ABLIM1: variants seen among roughly 807,000 people sequenced by gnomAD.
ABLIM1 encodes actin binding LIM protein 1.
ABLIM1 carries 40 observed loss-of-function variants against 107.0 expected under a neutral mutation model. The observed-to-expected ratio is 0.37, with a 90% CI of 0.29 to 0.49. The LOEUF is 0.49. Among genes scored for constraint, ABLIM1 ranks in the 20% least tolerant of loss-of-function variants. The pLI, the probability that ABLIM1 is intolerant of heterozygous loss-of-function variation, is 0.97. For synonymous variants in ABLIM1, 357 were observed against 357.3 expected (o/e 1.00, Z 0.01); for missense variants, 857 against 1,008.5 (o/e 0.85, Z 2.04).
At chr10:114,768,979 A>G (rs144250509), upstream of ABLIM1, among the ~76,000 whole-genome samples, 7 of 152,088 alleles carry the variant, frequency 4.6e-5, no homozygotes, top group East Asian at 1.4e-3. Context: ...AGAAATTCTA[A>G]CTAAAAAGGT....
At chr10:114,790,913 A>G in the ABLIM1 span, among the ~76,000 whole-genome samples, 1 of 152,146 alleles carries the variant, frequency 6.6e-6, no homozygotes, top group African/African-American at 2.4e-5. Flanking sequence ...ATTGTAATTA[A>G]AATTACATGT....
chr10:114,476,176 A>C (rs2056360727), intron 8 of ABLIM1, among the ~76,000 whole-genome samples: 1 of 152,170 alleles, frequency 6.6e-6, no homozygotes, highest in African/African-American at 2.4e-5. Flanking sequence ...GAGAAATCAC[A>C]CCACACCCAG....
rs11196801 is a variant in ABLIM1 at position 114,607,125 on chromosome 10, C to T, written c.245-5164G>A. On this transcript the variant is annotated intron_variant, in intron 1 of 22. Transcript: ENST00000533213. ...GTCACCAGGCTGGAATGCAGTGGTG[C>T]GATCTTGGCTCACTGCAATCTCTGC... 6.3e-3 allele frequency among the ~76,000 whole-genome samples: 952 copies of T among 152,168 alleles called. 6 individuals are homozygous for T. The highest frequency in any genetic ancestry group is 0.022 in the African/African-American group (908 of 41,530).
At chr10:114,659,832 G>T (rs1430196433), upstream of ABLIM1, among the ~76,000 whole-genome samples, 2 of 152,172 alleles carry the variant, frequency 1.3e-5, no homozygotes, top group Admixed American at 1.3e-4. Flanking sequence ...AGAGCCTAGG[G>T]TGGAGCCGGG....
At chr10:114,717,516 G>A (rs2081698399) in intron 1 of ABLIM1, among the ~76,000 whole-genome samples, 1 of 152,142 alleles carries the variant, frequency 6.6e-6, no homozygotes, top group Non-Finnish European at 1.5e-5. Flanking sequence ...GATGCCAGTA[G>A]CACCCCTCTC....
intron 1 of ABLIM1, among the ~76,000 whole-genome samples, chr10:114,652,434 A>G (rs1413923737): frequency 6.6e-6 from 1 of 152,234 alleles, no homozygotes; most frequent in African/African-American, 2.4e-5. Flanking sequence ...AGGTTCTCTC[A>G]CTTACGTGAT....
chr10:114,588,366 G>A (rs373381306), intron 2 of ABLIM1, among the ~76,000 whole-genome samples: 1 of 150,272 alleles, frequency 6.7e-6, no homozygotes, highest in Non-Finnish European at 1.5e-5. Context: ...AGGCTGTTTT[G>A]AAAAAAAAGC....
intron 2 of ABLIM1, among the ~76,000 whole-genome samples, chr10:114,598,861 G>C (rs922431449): frequency 6.6e-6 from 1 of 151,158 alleles, no homozygotes; most frequent in African/African-American, 2.4e-5. Flanking sequence ...TATTTTTTAA[G>C]TTTTGGGGTG....
chr10:114,467,924 T>A (rs1234151863), intron 11 of ABLIM1, among the ~76,000 whole-genome samples: 2 of 152,210 alleles, frequency 1.3e-5, no homozygotes, highest in Admixed American at 1.3e-4. Context: ...TGCAGACACT[T>A]TGCTTCCACT....
intron 14 of ABLIM1, among the ~76,000 whole-genome samples, chr10:114,448,428 T>A (rs1387557144): frequency 6.6e-6 from 1 of 152,164 alleles, no homozygotes; most frequent in African/African-American, 2.4e-5. Context: ...AACATTTCCA[T>A]CCTTATAGAA....
chr10:114,504,098 A>T (rs1272544008), intron 6 of ABLIM1, among the ~76,000 whole-genome samples: 1 of 152,234 alleles, frequency 6.6e-6, no homozygotes, highest in Non-Finnish European at 1.5e-5. Flanking sequence ...ACACAAAAAA[A>T]TTGGGTTTAG....
intron 8 of ABLIM1, among the ~76,000 whole-genome samples, chr10:114,476,595 G>A (rs2056452613): frequency 6.6e-6 from 1 of 151,522 alleles, no homozygotes; most frequent in African/African-American, 2.4e-5. Flanking sequence ...AGTGAACCGA[G>A]ATTGTGCCAC....
In ABLIM1 at chr10:114,436,065, C is replaced by T; in HGVS notation, c.*195G>A. On this transcript the variant is annotated 3_prime_UTR_variant, in exon 23 of 23. Transcript: ENST00000533213. ...GTTTCGGAACATAGAAATTTCTACG[C>T]CATGCTTCTTGGCAAGTGTTACTGT... is the stretch of plus-strand genomic sequence containing the variant. 1.7e-6 allele frequency: 1 copy of T among 571,970 alleles called. No individual in the cohort carries two copies. Among genetic ancestry groups the T allele is most frequent in the Non-Finnish European group, 3.1e-6 (1 of 320,180 alleles). The allele number at this position is 571,970 out of a possible 1,614,324, so 35.4% of individuals were successfully genotyped here. A position where few individuals can be genotyped will look rare whatever the true frequency, so the allele number is the denominator to read the frequency against.
chr10:114,458,450 T>C (rs2063245494), intron 12 of ABLIM1, among the ~76,000 whole-genome samples: 1 of 152,122 alleles, frequency 6.6e-6, no homozygotes, highest in Admixed American at 6.6e-5. Flanking sequence ...GACAAGCGAA[T>C]AGAGATGGGG....
At chr10:114,665,224 A>G (rs1243881870) in intron 1 of ABLIM1, among the ~76,000 whole-genome samples, 4 of 152,212 alleles carry the variant, frequency 2.6e-5, no homozygotes, top group African/African-American at 4.8e-5. Context: ...GCACACACAC[A>G]AGGCTTTCAG....
At chr10:114,519,565 C>T (rs566943530) in intron 6 of ABLIM1, among the ~76,000 whole-genome samples, 35 of 152,272 alleles carry the variant, frequency 2.3e-4, no homozygotes, top group African/African-American at 8.2e-4. Flanking sequence ...AGTTAAATTG[C>T]AAACCACAAG....
intron 1 of ABLIM1, among the ~76,000 whole-genome samples, chr10:114,613,063 C>G (rs1244539457): frequency 1.3e-5 from 2 of 152,220 alleles, no homozygotes; most frequent in African/African-American, 2.4e-5. Context: ...CCTTTTCTTT[C>G]TGGCTGCTTC....
rs150187964 is a variant in ABLIM1 at position 114,744,176 on chromosome 10, C to A, written c.-213+23885G>T. ...GGCAATATAAAATTGCAGTGAAGCA[C>A]CTGTGCTTTGGAGGTAGACTCAAAC... On this transcript the variant is annotated intron_variant, in intron 1 of 15. Coordinates refer to the ABLIM1 transcript ENST00000651092. Among the ~76,000 whole-genome samples, 27 of 152,296 alleles carry A rather than the reference C, an allele frequency of 1.8e-4. 1 individual carries two copies. In the East Asian group the frequency reaches 5.0e-3, roughly 28 times the overall value.
rs71473045 is a variant in ABLIM1, at chr10:114,491,012, G to GTATATATATATA, written c.982+767_982+778dup. Among the ~76,000 whole-genome samples the GTATATATATATA allele has an allele frequency of 6.6e-4, 61 of 92,362 alleles. 1 individual carries two copies. Among genetic ancestry groups the GTATATATATATA allele is most frequent in the South Asian group, 3.2e-3 (8 of 2,468 alleles). 60.6% of individuals were successfully genotyped at this position (92,362 alleles called of 152,430 possible). A position where few individuals can be genotyped will look rare whatever the true frequency, so the allele number is the denominator to read the frequency against. On this transcript the variant is annotated intron_variant, in intron 7 of 22. Transcript: ENST00000533213. ...TGTGTGTGTGTGTGTGTGTGTGTGT[G>GTATATATATATA]TATATATATATATGGTCTATTTTAT...
Sources: allele counts gnomAD v4.1 joint callset (sites outside exome capture counted in the v4.1 genomes callset), GRCh38; gene constraint gnomAD v4.1.1; transcripts MANE v1.5; gene names NCBI Gene and HGNC (gene_info 2026-07-23, HGNC 2026-07-21).